The following ANKRD13D variants were observed in gnomAD, a reference collection of about 807,000 sequenced individuals.
The protein encoded by ANKRD13D is ankyrin repeat domain 13D.
In ANKRD13D, 24 loss-of-function variants were observed where a neutral mutation model predicts 68.8. That is an observed-to-expected ratio of 0.35 (90% confidence interval 0.25 to 0.49). The LOEUF (loss-of-function observed/expected upper bound fraction) is 0.49. Ranked by LOEUF, ANKRD13D falls within the 20% of genes least tolerant of loss-of-function variation. The pLI, the probability that ANKRD13D is intolerant of heterozygous loss-of-function variation, is 0.99. For synonymous variants in ANKRD13D, 331 were observed against 336.1 expected (o/e 0.98, Z 0.16); for missense variants, 735 against 832.1 (o/e 0.88, Z 1.44).
intron 6 of ANKRD13D, among the ~76,000 whole-genome samples, chr11:67,295,786 A>G (rs1405672272): frequency 6.6e-6 from 1 of 152,166 alleles, no homozygotes; most frequent in Non-Finnish European, 1.5e-5. Context: ...TAGAGCAGAC[A>G]TCCTTGTATT....
At position 67,301,543 on chromosome 11, in the gene ANKRD13D, C is replaced by T; in HGVS notation, c.1404C>T (p.Tyr468=). 1 of 1,613,074 alleles carries T rather than the reference C, an allele frequency of 6.2e-7. No individual in the cohort carries two copies. The highest frequency in any genetic ancestry group is 8.5e-7 in the Non-Finnish European group (1 of 1,179,998). ...DPTVFEVPNG[Y]SVLGMERNEP... is the part of the protein sequence containing the mutation. Reference sequence around the variant, plus strand: ...CCGTGTTTGAAGTGCCCAACGGGTACAGCGTGCTGGGCATGGAGCGCAACG... The same window carrying T: ...CCGTGTTTGAAGTGCCCAACGGGTATAGCGTGCTGGGCATGGAGCGCAACG... The change falls in exon 13 of 15, where the codon TAC becomes TAT. Residue 468 remains tyrosine, a synonymous_variant. Coordinates refer to ENST00000511455, the MANE Select transcript of ANKRD13D (RefSeq NM_207354.3). This position sits in a 1 kb window ranked among gnomAD's most constrained non-coding sequence, Gnocchi z 4.5.
chr11:67,299,067 T>G lies in ANKRD13D; in HGVS notation c.741T>G (p.Cys247Trp). The change falls in exon 7 of 15, where the codon TGT (cysteine) becomes TGG (tryptophan). Residue 247 changes from cysteine (C) to tryptophan (W), a missense_variant. Cys to Trp is a radical substitution (Grantham distance 215). Coordinates refer to ENST00000511455, the MANE Select transcript of ANKRD13D (RefSeq NM_207354.3). This position sits in a 1 kb window ranked among gnomAD's most constrained non-coding sequence, Gnocchi z 6.2. ...GTTTGGTCTGTTTCAGGAACAAATG[T>G]GGTATCTGGGGCTGGCGGTCTGAGA... The part of the protein sequence containing the change: ...TRNVAFERNK[C>W]GIWGWRSEKM... 1 of 1,612,140 alleles carries G rather than the reference T, an allele frequency of 6.2e-7. No individual in the cohort carries two copies. Among genetic ancestry groups the G allele is most frequent in the Non-Finnish European group, 8.5e-7 (1 of 1,179,702 alleles).
At chr11:67,291,371 AAAAAG>A in intron 3 of ANKRD13D, 100 bp from the exon 4 acceptor site, 1 of 1,184,486 alleles carries the variant, frequency 8.4e-7, no homozygotes, top group Non-Finnish European at 1.2e-6. Flanking sequence ...AAAAAAAAAA[AAAAAG>A]ACCTGATGAA....
Position 67,299,813 on chromosome 11 carries a change from C to A in ANKRD13D, c.881-14C>A. On this transcript the variant is annotated splice_polypyrimidine_tract_variant and intron_variant, in intron 8 of 14. Coordinates refer to ENST00000511455, the MANE Select transcript of ANKRD13D (RefSeq NM_207354.3). The surrounding 1 kb of genome is among the most constrained non-coding windows in gnomAD (Gnocchi z 6.2). The stretch of plus-strand genomic sequence containing the variant: ...CATTGTGACCCCTTACCAGCTCCCA[C>A]CCCTTCTCCGTAGCGGGGAAGACTC... 6.5e-7 allele frequency: 1 copy of A among 1,532,590 alleles called. No individual in the cohort carries two copies. Among genetic ancestry groups the A allele is most frequent in the Non-Finnish European group, 8.8e-7 (1 of 1,139,672 alleles). The allele number at this position is 1,532,590 out of a possible 1,614,324, so 94.9% of individuals were successfully genotyped here. A position where few individuals can be genotyped will look rare whatever the true frequency, so the allele number is the denominator to read the frequency against.
At chr11:67,294,163 G>A (rs891576808) in intron 6 of ANKRD13D, among the ~76,000 whole-genome samples, 9 of 152,224 alleles carry the variant, frequency 5.9e-5, no homozygotes, top group Admixed American at 5.9e-4. Context: ...AAATTGGAAA[G>A]TGTGAGTCTT....
In ANKRD13D at chr11:67,301,588, C is replaced by T. The variant is rs772580704; in HGVS notation, c.1449C>T (p.Asp483=). Residue 483 remains aspartate, a synonymous_variant, in exon 13 of 15, where the codon GAC becomes GAT. Coordinates refer to ENST00000511455, the MANE Select transcript of ANKRD13D (RefSeq NM_207354.3). The surrounding 1 kb of genome is among the most constrained non-coding windows in gnomAD (Gnocchi z 4.5). The part of the protein sequence containing the change: ...MERNEPLRDE[D]DDLLQFAIQQ... ...GCAACGAGCCCCTCCGGGACGAGGACGATGACCTCCTGCAGTTCGCCATCC... is the reference window on the plus strand; with the variant it reads ...GCAACGAGCCCCTCCGGGACGAGGATGATGACCTCCTGCAGTTCGCCATCC... The T allele has an allele frequency of 3.8e-5, 62 of 1,612,778 alleles. 1 individual carries two copies. The South Asian group carries it at 5.6e-4, about 15-fold the overall frequency.
In ANKRD13D at chr11:67,301,991, G is replaced by A; in HGVS notation, c.1605-128G>A. On this transcript the variant is annotated intron_variant, in intron 14 of 14. Coordinates refer to ENST00000511455, the MANE Select transcript of ANKRD13D (RefSeq NM_207354.3). The surrounding 1 kb of genome is among the most constrained non-coding windows in gnomAD (Gnocchi z 4.5). The stretch of plus-strand genomic sequence containing the variant: ...GTGAGGGGTGGGGAAGCAGGGCCCT[G>A]CCTTGTCTCCTCTGCTTGCCACCCT... 7.4e-7 allele frequency: 1 copy of A among 1,359,094 alleles called. No individual in the cohort carries two copies. The highest frequency in any genetic ancestry group is 2.6e-4 in the Middle Eastern group (1 of 3,782). The allele number at this position is 1,359,094 out of a possible 1,614,324, so 84.2% of individuals were successfully genotyped here.
chr11:67,292,296 A>AGG, intron 6 of ANKRD13D, 116 bp downstream of exon 6: 1 of 1,245,054 alleles, frequency 8.0e-7, no homozygotes, highest in Non-Finnish European at 1.1e-6. Flanking sequence ...CTCACTCACA[A>AGG]GGGGCTGCTC....
rs1394660007 is a variant in ANKRD13D, at chr11:67,290,066, C to T, written c.91-12C>T. Reference sequence around the variant, plus strand: ...TCTCTCCTGCCCTTTGTGAGTGTCCCGTCTCCCCCAGCACGACATTGAACA... The same window carrying T: ...TCTCTCCTGCCCTTTGTGAGTGTCCTGTCTCCCCCAGCACGACATTGAACA... On this transcript the variant is annotated splice_polypyrimidine_tract_variant and intron_variant, in intron 1 of 14. Coordinates refer to ENST00000511455, the MANE Select transcript of ANKRD13D (RefSeq NM_207354.3). The T allele has an allele frequency of 2.6e-6, 4 of 1,535,566 alleles. No homozygotes were observed. The highest frequency in any genetic ancestry group is 2.4e-5 in the East Asian group (1 of 40,896).
intron 3 of ANKRD13D, 83 bp downstream of exon 3, chr11:67,290,529 G>C: frequency 6.7e-7 from 1 of 1,485,634 alleles, no homozygotes; most frequent in South Asian, 1.3e-5. Flanking sequence ...CCTTGGAAAG[G>C]CACCCAGTTT....
chr11:67,290,181 A>C lies in ANKRD13D; in HGVS notation c.194A>C (p.Asn65Thr), dbSNP rs377091252. 1.4e-5 allele frequency: 21 copies of C among 1,537,488 alleles called. No homozygotes were observed. The highest frequency in any genetic ancestry group is 1.7e-5 in the Non-Finnish European group (20 of 1,146,900). The stretch of plus-strand genomic sequence containing the variant: ...AGAGTGCTCCTTCGACACAATGCCA[A>C]CGTGGGCAAAGAGAACCGCCAGGGC... ...SVRVLLRHNA[N>T]VGKENRQGWA... Residue 65 changes from asparagine (N) to threonine (T), a missense_variant, in exon 2 of 15, where the codon AAC (asparagine) becomes ACC (threonine). Physicochemically the swap from Asn to Thr is moderately conservative, Grantham distance 65. Transcript: ENST00000511455.
At chr11:67,294,538 T>A (rs1305112264) in intron 6 of ANKRD13D, among the ~76,000 whole-genome samples, 1 of 152,032 alleles carries the variant, frequency 6.6e-6, no homozygotes, top group African/African-American at 2.4e-5. Context: ...TGTTTTGTTT[T>A]GTTTTTTTGT....
intron 3 of ANKRD13D, chr11:67,290,665 GC>G: frequency 1.6e-6 from 1 of 634,388 alleles, no homozygotes; most frequent in East Asian, 3.1e-5. Flanking sequence ...GAGAAGCCTT[GC>G]CAGCTTTGGG....
chr11:67,300,667 G>GAT lies in ANKRD13D; in HGVS notation c.1074-323_1074-322insAT. 2 of 503,360 alleles carry GAT rather than the reference G, an allele frequency of 4.0e-6. No individual in the cohort carries two copies. The highest frequency in any genetic ancestry group is 7.0e-6 in the Non-Finnish European group (2 of 285,952). 31.2% of individuals were successfully genotyped at this position (503,360 alleles called of 1,614,324 possible). A position where few individuals can be genotyped will look rare whatever the true frequency, so the allele number is the denominator to read the frequency against. The stretch of plus-strand genomic sequence containing the variant: ...TTGGCAACACGTGAGCTGGTGACCA[G>GAT]CTCTGGGCTGAGGAGGAAAACGGGG... On this transcript the variant is annotated intron_variant, in intron 10 of 14. Transcript: ENST00000511455. This position sits in a 1 kb window ranked among gnomAD's most constrained non-coding sequence, Gnocchi z 4.3.
chr11:67,294,187 TC>T (rs1374595731), intron 6 of ANKRD13D, among the ~76,000 whole-genome samples: 2 of 152,240 alleles, frequency 1.3e-5, no homozygotes, highest in Non-Finnish European at 2.9e-5. Context: ...ACTTTGTTTT[TC>T]TTTTTCAGGG....
Position 67,301,021 on chromosome 11 carries a change from CACCCGCTCTCCCTGGGTGACCAGGTG to C in ANKRD13D, c.1110_1135del (p.Leu371HisfsTer32). ...GGCAACACTGTGGCTGAGTGAAGAG[CACCCGCTCTCCCTGGGTGACCAGGTG>C]ACCCCCATCATCGACCTAATGGCCA... On this transcript the variant is annotated frameshift_variant, in exon 11 of 15. Transcript: ENST00000511455. LOFTEE classifies it high-confidence loss of function. The surrounding 1 kb of genome is among the most constrained non-coding windows in gnomAD (Gnocchi z 4.5). 6.2e-7 allele frequency: 1 copy of C among 1,613,922 alleles called. No individual in the cohort carries two copies. Among genetic ancestry groups the C allele is most frequent in the Non-Finnish European group, 8.5e-7 (1 of 1,180,018 alleles).
In ANKRD13D at chr11:67,300,405, T is replaced by C; in HGVS notation, c.1073+282T>C. The stretch of plus-strand genomic sequence containing the variant: ...ACCTGCTGGGGCCAGCGTGGCACAG[T>C]GGGAAGGGCCCCCAGCGACGTGGCC... On this transcript the variant is annotated intron_variant, in intron 10 of 14. Transcript: ENST00000511455. This position sits in a 1 kb window ranked among gnomAD's most constrained non-coding sequence, Gnocchi z 4.3. 2.3e-6 allele frequency: 1 copy of C among 433,260 alleles called. No homozygotes were observed. Among genetic ancestry groups the C allele is most frequent in the Non-Finnish European group, 4.2e-6 (1 of 240,212 alleles). The allele number at this position is 433,260 out of a possible 1,614,324, so 26.8% of individuals were successfully genotyped here. A position where few individuals can be genotyped will look rare whatever the true frequency, so the allele number is the denominator to read the frequency against.
Position 67,290,220 on chromosome 11 carries a change from C to G in ANKRD13D, c.226+7C>G. The G allele has an allele frequency of 6.5e-7, 1 of 1,541,214 alleles. No homozygotes were observed. The highest frequency in any genetic ancestry group is 1.2e-5 in the South Asian group (1 of 84,052). ...AACCGCCAGGGCTGGGCAGGTACTGCAGAGGACAAGGGGCTCCCCCTGAGG... is the reference window on the plus strand; with the variant it reads ...AACCGCCAGGGCTGGGCAGGTACTGGAGAGGACAAGGGGCTCCCCCTGAGG... On this transcript the variant is annotated splice_region_variant and intron_variant, in intron 2 of 14. Transcript: ENST00000511455.
chr11:67,291,550 A>T, intron 4 of ANKRD13D, 29 bp downstream of exon 4: 1 of 1,613,650 alleles, frequency 6.2e-7, no homozygotes, highest in Non-Finnish European at 8.5e-7. Context: ...GCTCCCAGGG[A>T]TTTGGGGTGG....
Sources: gnomAD v4.1 joint callset for allele counts (sites outside exome capture counted in the v4.1 genomes callset) on GRCh38, gnomAD v4.1.1 for gene constraint, Gnocchi (gnomAD v3.1) non-coding constraint, MANE v1.5 for transcripts, NCBI Gene and HGNC (gene_info 2026-07-23, HGNC 2026-07-21) for gene names.